PHLDB2: variants seen among roughly 807,000 people sequenced by gnomAD.
The protein encoded by PHLDB2 is pleckstrin homology-like domain family B member 2.
Under a neutral mutation model 123.6 loss-of-function variants are expected in PHLDB2, and 71 were observed. The ratio of observed to expected loss-of-function variants is 0.57; its 90% CI spans 0.47 to 0.70. The LOEUF is 0.70. Among genes scored for constraint, PHLDB2 ranks in the 30% least tolerant of loss-of-function variants. The pLI, the probability that PHLDB2 is intolerant of heterozygous loss-of-function variation, is 0.00. For missense variants in PHLDB2, 1,446 were observed against 1,519.5 expected, an observed-to-expected ratio of 0.95 and a Z score of 0.80; for synonymous variants, 547 against 541.6, an observed-to-expected ratio of 1.01 and a Z score of -0.14.
At chr3:111,795,220 AG>A (rs2108225663) in intron 1 of PHLDB2, among the ~76,000 whole-genome samples, 1 of 152,338 alleles carries the variant, frequency 6.6e-6, no homozygotes, top group Admixed American at 6.5e-5. Flanking sequence ...AGGTATTCTT[AG>A]GTCTCCACCC....
rs547071718 is a variant in PHLDB2, at chr3:111,758,651, C to A, written c.-49+25948C>A. ...GTCTGGCACTCCCTAGTGAGATGAA[C>A]CCGGTACCTCAGATGGAAATGCAGA... is the stretch of plus-strand genomic sequence containing the variant. On this transcript the variant is annotated intron_variant, in intron 1 of 17. Coordinates refer to the PHLDB2 transcript ENST00000393923. Among the ~76,000 whole-genome samples, 9 of 152,324 alleles carry A rather than the reference C, an allele frequency of 5.9e-5. No individual in the cohort carries two copies. In the South Asian group the frequency reaches 6.2e-4, roughly 11 times the overall value.
chr3:111,859,099 G>A, upstream of PHLDB2: 1 of 905,996 alleles, frequency 1.1e-6, no homozygotes, highest in Non-Finnish European at 1.3e-6. Flanking sequence ...CCTGCTTTCT[G>A]ACGCAGCTGG....
chr3:111,969,768 A>G lies in PHLDB2; in HGVS notation c.3394A>G (p.Asn1132Asp), dbSNP rs190067967. Residue 1132 changes from asparagine to aspartate, a missense_variant, in exon 16 of 18, where the codon AAT (asparagine) becomes GAT (aspartate). This residue lies in a region of PHLDB2 where 594 missense variants were observed against 646.0 expected (regional missense o/e 0.92). Coordinates refer to ENST00000431670, the MANE Select transcript of PHLDB2 (RefSeq NM_001134438.2). ...GAGCCATGTAGAGACTGCTGGCCAC[A>G]ATATTGACACCTGTTACCATGTATC... The part of the protein sequence containing the change: ...LRSHVETAGH[N>D]IDTCYHVSIT... The G allele has an allele frequency of 1.1e-5, 17 of 1,614,074 alleles. No homozygotes were observed. The African/African-American group carries it at 2.3e-4, about 22-fold the overall frequency.
intron 16 of PHLDB2, 45 bp downstream of exon 16, chr3:111,969,954 C>G (rs2072055588): frequency 6.3e-7 from 1 of 1,579,202 alleles, no homozygotes; most frequent in Non-Finnish European, 8.7e-7. Flanking sequence ...AATCAAGAAC[C>G]CCCTGTTAAA....
At chr3:111,898,563 A>ATGC (rs1577031919) in intron 2 of PHLDB2, among the ~76,000 whole-genome samples, 1 of 152,312 alleles carries the variant, frequency 6.6e-6, no homozygotes, top group East Asian at 1.9e-4. Flanking sequence ...CCTCTGCAGC[A>ATGC]TGCAACGCTG....
At chr3:111,923,038 T>C (rs2068610295) in intron 5 of PHLDB2, among the ~76,000 whole-genome samples, 1 of 152,222 alleles carries the variant, frequency 6.6e-6, no homozygotes, top group South Asian at 2.1e-4. Context: ...AAATTACTAC[T>C]TTATCGATTA....
chr3:111,819,160 A>C (rs1365000491), intron 1 of PHLDB2, among the ~76,000 whole-genome samples: 2 of 151,812 alleles, frequency 1.3e-5, no homozygotes, highest in Non-Finnish European at 2.9e-5. Context: ...CACTCTTTTC[A>C]TCATGAGGTC....
At chr3:111,828,328 A>G (rs570776843) in intron 1 of PHLDB2, among the ~76,000 whole-genome samples, 2 of 152,320 alleles carry the variant, frequency 1.3e-5, no homozygotes, top group South Asian at 2.1e-4. Flanking sequence ...TGATTGATTT[A>G]GATGCTGGTA....
chr3:111,838,468 A>T (rs562867794), intron 1 of PHLDB2, among the ~76,000 whole-genome samples: 2 of 152,346 alleles, frequency 1.3e-5, no homozygotes, highest in Admixed American at 6.5e-5. Context: ...TTGATTTCCC[A>T]GAAATTCATC....
At chr3:111,824,662 C>T (rs759135855) in intron 1 of PHLDB2, among the ~76,000 whole-genome samples, 4 of 152,188 alleles carry the variant, frequency 2.6e-5, no homozygotes, top group Non-Finnish European at 5.9e-5. Context: ...AGCCTGTGTT[C>T]AGCAGAACCT....
upstream of PHLDB2, among the ~76,000 whole-genome samples, chr3:111,857,809 C>T (rs1282986): frequency 0.99 from 150,478 of 152,334 alleles, 74,351 homozygotes; most frequent in East Asian, 1. Flanking sequence ...AAATAACAGA[C>T]GCTGCAGAGA....
In PHLDB2 at chr3:111,794,634, A is replaced by G. The variant is rs1385868938; in HGVS notation, c.-48-51187A>G. Among the ~76,000 whole-genome samples, 6 of 152,226 alleles carry G rather than the reference A, an allele frequency of 3.9e-5. No individual in the cohort carries two copies. In the East Asian group the frequency reaches 1.2e-3, roughly 29 times the overall value. ...GCCCTCAAGAAAGGTTAAACAATTC[A>G]TATTGTCACAAAAATGTATAAGAGT... On this transcript the variant is annotated intron_variant, in intron 1 of 17. Transcript: ENST00000393923.
At chr3:111,794,982 G>A (rs2061093251) in intron 1 of PHLDB2, among the ~76,000 whole-genome samples, 1 of 152,096 alleles carries the variant, frequency 6.6e-6, no homozygotes, top group Non-Finnish European at 1.5e-5. Context: ...TTCACTCCAG[G>A]AGCATTGTCT....
chr3:111,814,331 C>A (rs982025707), intron 1 of PHLDB2, among the ~76,000 whole-genome samples: 1 of 151,876 alleles, frequency 6.6e-6, no homozygotes, highest in African/African-American at 2.4e-5. Context: ...AGCCTCCCAG[C>A]CTACATCTTT....
At chr3:111,974,323 A>G in intron 17 of PHLDB2, 100 bp from the exon 18 acceptor site, 1 of 1,157,732 alleles carries the variant, frequency 8.6e-7, no homozygotes, top group Non-Finnish European at 1.2e-6. Flanking sequence ...TGTAAATTTA[A>G]TAAATTGAAA....
intron 2 of PHLDB2, among the ~76,000 whole-genome samples, chr3:111,912,260 CA>C: frequency 6.6e-6 from 1 of 152,318 alleles, no homozygotes; most frequent in Non-Finnish European, 1.5e-5. Context: ...CTGTTGCTCA[CA>C]AACTGTATAA....
intron 16 of PHLDB2, among the ~76,000 whole-genome samples, chr3:111,972,651 C>T (rs2072283400): frequency 7.0e-6 from 1 of 142,310 alleles, no homozygotes; most frequent in Admixed American, 7.3e-5. Context: ...CTATTCGTAC[C>T]CTATTTCATA....
At chr3:111,971,183 A>G (rs1027266639) in intron 16 of PHLDB2, among the ~76,000 whole-genome samples, 1 of 152,234 alleles carries the variant, frequency 6.6e-6, no homozygotes, top group Non-Finnish European at 1.5e-5. Context: ...CACTGCATAA[A>G]CAAAACTGTA....
At chr3:111,784,152 G>C (rs73855616) in intron 1 of PHLDB2, among the ~76,000 whole-genome samples, 1 of 152,046 alleles carries the variant, frequency 6.6e-6, no homozygotes, top group East Asian at 1.9e-4. Flanking sequence ...TATTCTAACA[G>C]GCAATAAATA....
Sources: allele counts gnomAD v4.1 joint callset (sites outside exome capture counted in the v4.1 genomes callset), GRCh38; gene constraint gnomAD v4.1.1; regional missense constraint gnomAD v4.1.1; transcripts MANE v1.5; gene names NCBI Gene and HGNC (gene_info 2026-07-23, HGNC 2026-07-21).